SPTBN1: variants seen among roughly 807,000 people sequenced by gnomAD.
SPTBN1 encodes the protein spectrin beta, non-erythrocytic 1, also known as spectrin beta chain, non-erythrocytic 1.
In SPTBN1, 32 loss-of-function variants were observed where a neutral mutation model predicts 266.4. That is an observed-to-expected ratio of 0.12 (90% confidence interval 0.09 to 0.16). SPTBN1 has a LOEUF of 0.16. Ranked by LOEUF, SPTBN1 falls within the 10% of genes least tolerant of loss-of-function variation. SPTBN1 has a pLI of 1.00. For missense variants in SPTBN1, 2,296 were observed against 3,067.1 expected, an observed-to-expected ratio of 0.75 and a Z score of 5.94; for synonymous variants, 1,336 against 1,162.2, an observed-to-expected ratio of 1.15 and a Z score of -3.04.
intron 2 of SPTBN1, chr2:54,526,852 T>A (rs1670847861): frequency 6.9e-6 from 2 of 289,824 alleles, no homozygotes; most frequent in Admixed American, 4.7e-5. Context: ...TGACAAATCT[T>A]ACATTCCAAA....
intron 1 of SPTBN1, among the ~76,000 whole-genome samples, chr2:54,477,069 A>T (rs1296287820): frequency 6.6e-6 from 1 of 152,106 alleles, no homozygotes; most frequent in African/African-American, 2.4e-5. Context: ...ACTTTCTGTA[A>T]CAAGTTTTCT....
chr2:54,559,247 C>T (rs1184348091), intron 2 of SPTBN1, among the ~76,000 whole-genome samples: 2 of 152,208 alleles, frequency 1.3e-5, no homozygotes, highest in Non-Finnish European at 2.9e-5. Context: ...AGCCCCCAGC[C>T]TCTTACCTCT....
intron 1 of SPTBN1, among the ~76,000 whole-genome samples, chr2:54,498,249 C>T (rs1041408331): frequency 2.0e-5 from 3 of 152,152 alleles, no homozygotes; most frequent in South Asian, 2.1e-4. Context: ...ATTCACAAGA[C>T]GGGAATGTTC....
intron 2 of SPTBN1, among the ~76,000 whole-genome samples, chr2:54,543,091 A>G (rs1372640511): frequency 6.6e-6 from 1 of 152,044 alleles, no homozygotes; most frequent in African/African-American, 2.4e-5. Context: ...GGATTCAGCT[A>G]TCCAGGACTG....
At position 54,645,813 on chromosome 2, in the gene SPTBN1, G is replaced by A; in HGVS notation, c.4495-115G>A. On this transcript the variant is annotated intron_variant, in intron 21 of 35. Transcript: ENST00000356805. This position sits in a 1 kb window ranked among gnomAD's most constrained non-coding sequence, Gnocchi z 4.3. ...TTCCCCAGACAGCCCTCCCGAGGGG[G>A]CTGAGCACTCTCTGAAGCTCACCCT... 8.7e-7 allele frequency: 1 copy of A among 1,152,686 alleles called. No homozygotes were observed. The highest frequency in any genetic ancestry group is 1.9e-5 in the Admixed American group (1 of 51,896). The allele number at this position is 1,152,686 out of a possible 1,614,324, so 71.4% of individuals were successfully genotyped here.
chr2:54,506,311 TG>T (rs1669553541), intron 1 of SPTBN1, among the ~76,000 whole-genome samples: 1 of 152,230 alleles, frequency 6.6e-6, no homozygotes, highest in South Asian at 2.1e-4. Context: ...CCCTTGAGCA[TG>T]GCTGCTCAGA....
intron 32 of SPTBN1, chr2:54,662,088 C>T (rs1047704985): frequency 1.8e-5 from 18 of 985,386 alleles, no homozygotes; most frequent in Middle Eastern, 5.2e-4. Context: ...TTCATGTTCA[C>T]CTCCTGATTT....
chr2:54,646,549 G>A lies in SPTBN1; in HGVS notation c.4866+74G>A, dbSNP rs995237096. 6 of 1,417,824 alleles carry A rather than the reference G, an allele frequency of 4.2e-6. No individual in the cohort carries two copies. Among genetic ancestry groups the A allele is most frequent in the Admixed American group, 3.0e-5 (1 of 33,010 alleles). The allele number at this position is 1,417,824 out of a possible 1,614,324, so 87.8% of individuals were successfully genotyped here. On this transcript the variant is annotated intron_variant, in intron 23 of 35. Coordinates refer to ENST00000356805, the MANE Select transcript of SPTBN1 (RefSeq NM_003128.3). This position sits in a 1 kb window ranked among gnomAD's most constrained non-coding sequence, Gnocchi z 4.4. Reference sequence around the variant, plus strand: ...AACCCTGGGCACACTTTCTGCTGGCGGCTCTGTCTGTATAAAAACTTCCCT... The same window carrying A: ...AACCCTGGGCACACTTTCTGCTGGCAGCTCTGTCTGTATAAAAACTTCCCT...
At position 54,558,704 on chromosome 2, in the gene SPTBN1, G is replaced by A; in HGVS notation, c.148+32138G>A. 4 of 1,560,520 alleles carry A rather than the reference G, an allele frequency of 2.6e-6. No homozygotes were observed. Among genetic ancestry groups the A allele is most frequent in the Non-Finnish European group, 3.5e-6 (4 of 1,148,524 alleles). Reference sequence around the variant, plus strand: ...AGCCGAGCGCTGCGGAGGCTGCTGCGTGTTGGATGGGAGTGGGAGGGGGCT... The same window carrying A: ...AGCCGAGCGCTGCGGAGGCTGCTGCATGTTGGATGGGAGTGGGAGGGGGCT... On this transcript the variant is annotated intron_variant, in intron 2 of 35. Transcript: ENST00000356805. This position sits in a 1 kb window ranked among gnomAD's most constrained non-coding sequence, Gnocchi z 4.6.
intron 2 of SPTBN1, among the ~76,000 whole-genome samples, chr2:54,585,259 G>A (rs1363777097): frequency 6.6e-6 from 1 of 152,174 alleles, no homozygotes; most frequent in Non-Finnish European, 1.5e-5. Context: ...ATGCAAAATA[G>A]GTTTTGATTT....
intron 1 of SPTBN1, among the ~76,000 whole-genome samples, chr2:54,490,932 C>T (rs1380278843): frequency 6.6e-6 from 1 of 152,068 alleles, no homozygotes; most frequent in East Asian, 1.9e-4. Context: ...GAGCTGAGGC[C>T]AGGCAAAAAC....
chr2:54,665,869 T>A, intron 33 of SPTBN1, 46 bp from the exon 34 acceptor site: 1 of 1,568,588 alleles, frequency 6.4e-7, no homozygotes, highest in South Asian at 1.2e-5. Context: ...AAGGGGAATG[T>A]GGTAGAGCCT....
chr2:54,466,208 G>A (rs1447772784), intron 1 of SPTBN1, among the ~76,000 whole-genome samples: 2 of 152,118 alleles, frequency 1.3e-5, no homozygotes, highest in Non-Finnish European at 2.9e-5. Context: ...TAGTTAGGCA[G>A]TAAAATATGT....
intron 1 of SPTBN1, among the ~76,000 whole-genome samples, chr2:54,511,031 T>C (rs75243511): frequency 0.037 from 5,563 of 152,262 alleles, 147 homozygotes; most frequent in Admixed American, 0.087. Context: ...CCAGCCTGGG[T>C]GTTGGGCTGA....
At position 54,669,861 on chromosome 2, in the gene SPTBN1, T is replaced by C. The variant is rs1379271797; in HGVS notation, c.*1292T>C. 1 of 152,234 alleles carries C rather than the reference T, an allele frequency of 6.6e-6. No homozygotes were observed. Among genetic ancestry groups the C allele is most frequent in the Non-Finnish European group, 1.5e-5 (1 of 68,050 alleles). 9.4% of individuals were successfully genotyped at this position (152,234 alleles called of 1,614,324 possible). A position where few individuals can be genotyped will look rare whatever the true frequency, so the allele number is the denominator to read the frequency against. ...AACAGTAATAAATGTGACTGTTTTG[T>C]AGTTATACATTCAGGCTTTATCTTT... On this transcript the variant is annotated 3_prime_UTR_variant, in exon 36 of 36. Transcript: ENST00000356805.
intron 1 of SPTBN1, among the ~76,000 whole-genome samples, chr2:54,466,385 A>ATTTCAT (rs1693632270): frequency 7.7e-5 from 2 of 25,924 alleles, no homozygotes; most frequent in African/African-American, 6.7e-4. Context: ...ACACGGTGAA[A>ATTTCAT]CCCCGTCTCT....
At chr2:54,496,330 C>G (rs185029158) in intron 1 of SPTBN1, among the ~76,000 whole-genome samples, 4 of 150,208 alleles carry the variant, frequency 2.7e-5, no homozygotes, top group East Asian at 2.0e-4. Context: ...CCCAGCTACT[C>G]GGGAGGCTGA....
intron 2 of SPTBN1, among the ~76,000 whole-genome samples, chr2:54,573,096 A>C (rs964240327): frequency 6.6e-6 from 1 of 152,162 alleles, no homozygotes; most frequent in Non-Finnish European, 1.5e-5. Context: ...CTGTGAGCTC[A>C]TAGTTGTCTG....
At chr2:54,627,923 G>A (rs902853886) in intron 12 of SPTBN1, among the ~76,000 whole-genome samples, 174 bp from the exon 13 acceptor site, 2 of 152,100 alleles carry the variant, frequency 1.3e-5, no homozygotes, top group African/African-American at 4.8e-5. Context: ...CTTCAGGTAT[G>A]ATTTGTTTTG....
Sources: gnomAD v4.1 joint callset for allele counts (sites outside exome capture counted in the v4.1 genomes callset) on GRCh38, gnomAD v4.1.1 for gene constraint, Gnocchi (gnomAD v3.1) non-coding constraint, MANE v1.5 for transcripts, NCBI Gene and HGNC (gene_info 2026-07-23, HGNC 2026-07-21) for gene names.